Variants in NFIA observed in about 807,000 individuals in gnomAD.
The protein encoded by NFIA is nuclear factor 1 A-type.
NFIA carries 8 observed loss-of-function variants against 62.8 expected under a neutral mutation model. The observed-to-expected ratio is 0.13, with a 90% CI of 0.07 to 0.23. The LOEUF (loss-of-function observed/expected upper bound fraction) is 0.23, where lower values mean the gene tolerates loss of function less well. Ranked by LOEUF, NFIA falls within the 10% of genes least tolerant of loss-of-function variation. NFIA has a pLI of 1.00. For missense variants in NFIA, 410 were observed against 642.1 expected, an observed-to-expected ratio of 0.64 and a Z score of 3.91; for synonymous variants, 235 against 238.1, an observed-to-expected ratio of 0.99 and a Z score of 0.12.
chr1:61,113,714 G>T (rs1396090559), intron 2 of NFIA, among the ~76,000 whole-genome samples: 1 of 150,930 alleles, frequency 6.6e-6, no homozygotes, highest in African/African-American at 2.4e-5. Context: ...GTGGATGAAG[G>T]ATTGTTTGGA....
chr1:61,373,221 TTG>T (rs1663991068), intron 6 of NFIA, among the ~76,000 whole-genome samples: 1 of 152,124 alleles, frequency 6.6e-6, no homozygotes, highest in Non-Finnish European at 1.5e-5. Flanking sequence ...AGCAGTTTAT[TTG>T]TGGGATGAAC....
Position 61,262,531 on chromosome 1 carries a change from C to T in NFIA, c.560-14989C>T, listed in dbSNP as rs1237676878. 2.0e-5 allele frequency among the ~76,000 whole-genome samples: 3 copies of T among 152,148 alleles called. No homozygotes were observed. In the East Asian group the frequency reaches 5.8e-4, roughly 29 times the overall value. On this transcript the variant is annotated intron_variant, in intron 2 of 10. Transcript: ENST00000403491. ...GGCCAACTGGAAGAATGTATATCTA[C>T]AATGGTGTAGACGTGAGGCTGTAAT...
chr1:61,437,235 G>A (rs1884367), intron 10 of NFIA, among the ~76,000 whole-genome samples: 52,049 of 152,020 alleles, frequency 0.34, 10,835 homozygotes, highest in African/African-American at 0.57. Flanking sequence ...CCTCTCAAGC[G>A]CAGTCTTCCT....
At chr1:61,409,145 T>A (rs1665983842) in intron 9 of NFIA, among the ~76,000 whole-genome samples, 1 of 152,194 alleles carries the variant, frequency 6.6e-6, no homozygotes, top group Non-Finnish European at 1.5e-5. Context: ...AGAGCAGCAC[T>A]TAAGATTTGG....
At chr1:61,412,585 T>A (rs986579461) in intron 9 of NFIA, among the ~76,000 whole-genome samples, 2 of 152,186 alleles carry the variant, frequency 1.3e-5, no homozygotes, top group Non-Finnish European at 2.9e-5. Flanking sequence ...AGGAGGGGCA[T>A]CTCTGGGTGA....
At chr1:61,402,545 G>A (rs1255036211) in intron 7 of NFIA, among the ~76,000 whole-genome samples, 3 of 152,186 alleles carry the variant, frequency 2.0e-5, no homozygotes, top group Non-Finnish European at 4.4e-5. Context: ...AGGTATTTAC[G>A]AAGATGGAGA....
intron 2 of NFIA, among the ~76,000 whole-genome samples, chr1:61,184,908 G>T (rs1212524584): frequency 6.6e-6 from 1 of 152,200 alleles, no homozygotes; most frequent in Non-Finnish European, 1.5e-5. Context: ...ACTTTTCCCA[G>T]ACATAACACA....
At chr1:61,242,663 T>C (rs562992878) in intron 2 of NFIA, among the ~76,000 whole-genome samples, 1 of 152,290 alleles carries the variant, frequency 6.6e-6, no homozygotes, top group East Asian at 1.9e-4. Flanking sequence ...GTCAGTGAAT[T>C]CCTTAAATAG....
At chr1:61,418,924 T>C (rs1425942009) in intron 9 of NFIA, among the ~76,000 whole-genome samples, 1 of 152,210 alleles carries the variant, frequency 6.6e-6, no homozygotes, top group Non-Finnish European at 1.5e-5. Context: ...TTATTCCCTG[T>C]GGCTATTTAA....
chr1:61,304,855 A>G (rs1181539107), intron 3 of NFIA, among the ~76,000 whole-genome samples: 1 of 152,200 alleles, frequency 6.6e-6, no homozygotes, highest in East Asian at 1.9e-4. Flanking sequence ...TAAACCTCCA[A>G]TTAATAACTG....
At chr1:61,283,073 C>G (rs1056453915) in intron 3 of NFIA, among the ~76,000 whole-genome samples, 2 of 152,178 alleles carry the variant, frequency 1.3e-5, no homozygotes, top group Non-Finnish European at 2.9e-5. Flanking sequence ...TTGGTTGAAT[C>G]TACCTTTCAT....
intron 2 of NFIA, among the ~76,000 whole-genome samples, chr1:61,274,507 T>A (rs1657693757): frequency 6.6e-6 from 1 of 152,166 alleles, no homozygotes; most frequent in Non-Finnish European, 1.5e-5. Flanking sequence ...CCAGAGAAAC[T>A]CACTGGTATG....
intron 3 of NFIA, among the ~76,000 whole-genome samples, chr1:61,306,077 C>A (rs1313132256): frequency 6.6e-6 from 1 of 151,628 alleles, no homozygotes; most frequent in Non-Finnish European, 1.5e-5. Flanking sequence ...GTCTCAATCT[C>A]CTGACCTCGT....
chr1:61,289,950 C>G (rs1002134946), intron 3 of NFIA, among the ~76,000 whole-genome samples: 1 of 151,666 alleles, frequency 6.6e-6, no homozygotes, highest in African/African-American at 2.4e-5. Flanking sequence ...CGCCTTCTCT[C>G]TCATCCACCT....
chr1:61,283,840 A>G (rs1658316922), intron 3 of NFIA, among the ~76,000 whole-genome samples: 1 of 152,174 alleles, frequency 6.6e-6, no homozygotes, highest in African/African-American at 2.4e-5. Flanking sequence ...AATAAAATTG[A>G]TAATTCAAAA....
intron 2 of NFIA, among the ~76,000 whole-genome samples, chr1:61,121,587 A>G (rs549849306): frequency 7.2e-5 from 11 of 152,314 alleles, no homozygotes; most frequent in Admixed American, 5.9e-4. Context: ...TTCAGCACAA[A>G]TAGAGTTTTC....
At chr1:61,371,531 T>C (rs1663886417) in intron 6 of NFIA, among the ~76,000 whole-genome samples, 1 of 152,212 alleles carries the variant, frequency 6.6e-6, no homozygotes, top group Non-Finnish European at 1.5e-5. Context: ...GCCCTGGCAG[T>C]ACATTCGAAG....
intron 2 of NFIA, among the ~76,000 whole-genome samples, chr1:61,117,141 T>C (rs147972625): frequency 4.7e-4 from 72 of 152,356 alleles, no homozygotes; most frequent in Non-Finnish European, 8.8e-4. Flanking sequence ...CCAGCATGAT[T>C]GCACCCATCA....
At chr1:61,363,747 T>G (rs1275237813) in intron 6 of NFIA, among the ~76,000 whole-genome samples, 2 of 152,032 alleles carry the variant, frequency 1.3e-5, no homozygotes, top group Non-Finnish European at 2.9e-5. Context: ...TAGGACACAA[T>G]ATATAAGCAA....
Sources: allele counts gnomAD v4.1 joint callset (sites outside exome capture counted in the v4.1 genomes callset), GRCh38; gene constraint gnomAD v4.1.1; transcripts MANE v1.5; gene names NCBI Gene and HGNC (gene_info 2026-07-23, HGNC 2026-07-21).